Variants in ZMAT4 observed in about 807,000 individuals in gnomAD.
ZMAT4 encodes zinc finger matrin-type protein 4.
A neutral mutation model predicts 28.7 loss-of-function variants in ZMAT4; 17 were observed. The ratio of observed to expected loss-of-function variants is 0.59; its 90% CI spans 0.41 to 0.89. The LOEUF (loss-of-function observed/expected upper bound fraction) is 0.89, where lower values mean the gene tolerates loss of function less well. Among genes scored for constraint, ZMAT4 ranks in the 40% least tolerant of loss-of-function variants. The pLI is 0.00. For synonymous variants in ZMAT4, 117 were observed against 109.2 expected (o/e 1.07, Z -0.44); for missense variants, 240 against 283.8 (o/e 0.85, Z 1.11).
At chr8:40,887,770 C>T (rs1313887957) in intron 1 of ZMAT4, among the ~76,000 whole-genome samples, 1 of 152,104 alleles carries the variant, frequency 6.6e-6, no homozygotes, top group South Asian at 2.1e-4. Flanking sequence ...CTCGGCTCCC[C>T]CTCCCTTCGG....
At chr8:40,559,848 T>C (rs564348401) in intron 6 of ZMAT4, among the ~76,000 whole-genome samples, 1 of 152,122 alleles carries the variant, frequency 6.6e-6, no homozygotes, top group African/African-American at 2.4e-5. Context: ...CACACGTTTG[T>C]GAAATTAGAT....
chr8:40,622,940 C>T (rs976516502), intron 5 of ZMAT4, among the ~76,000 whole-genome samples: 1 of 152,112 alleles, frequency 6.6e-6, no homozygotes, highest in African/African-American at 2.4e-5. Flanking sequence ...CAAAGTATAT[C>T]AGGAATTTAA....
intron 5 of ZMAT4, among the ~76,000 whole-genome samples, chr8:40,598,192 TTTTG>T (rs142785745): frequency 1.1e-3 from 167 of 152,324 alleles, no homozygotes; most frequent in African/African-American, 3.6e-3. Flanking sequence ...TATATATATA[TTTTG>T]TTTGTTTGTT....
intron 5 of ZMAT4, among the ~76,000 whole-genome samples, chr8:40,640,049 T>C (rs190545983): frequency 6.6e-6 from 1 of 152,264 alleles, no homozygotes; most frequent in African/African-American, 2.4e-5. Context: ...AGATCATAGT[T>C]CACTGTAGCC....
intron 1 of ZMAT4, among the ~76,000 whole-genome samples, chr8:40,852,928 C>T (rs992600288): frequency 6.6e-6 from 1 of 152,100 alleles, no homozygotes; most frequent in Admixed American, 6.5e-5. Context: ...CTAATTTTTG[C>T]TTGAGTGATT....
At chr8:40,704,950 C>T (rs997742894) in intron 3 of ZMAT4, among the ~76,000 whole-genome samples, 1 of 152,144 alleles carries the variant, frequency 6.6e-6, no homozygotes, top group Non-Finnish European at 1.5e-5. Flanking sequence ...TGTTCAGAGT[C>T]CCATGGGGAA....
intron 5 of ZMAT4, among the ~76,000 whole-genome samples, chr8:40,631,551 G>T (rs894638658): frequency 9.9e-5 from 15 of 152,170 alleles, no homozygotes; most frequent in Non-Finnish European, 2.1e-4. Context: ...GTTCTAATGC[G>T]AGATATATGC....
intron 5 of ZMAT4, among the ~76,000 whole-genome samples, chr8:40,665,148 G>A (rs1476755619): frequency 6.6e-6 from 1 of 152,124 alleles, no homozygotes; most frequent in East Asian, 1.9e-4. Flanking sequence ...GGAGGTTGCA[G>A]TGAGCTGAGA....
chr8:40,611,200 G>GA (rs1447043274), intron 5 of ZMAT4, among the ~76,000 whole-genome samples: 1 of 152,084 alleles, frequency 6.6e-6, no homozygotes, highest in African/African-American at 2.4e-5. Context: ...TTCAAATGTG[G>GA]AAAATCTATT....
chr8:40,757,521 G>A (rs1190043535), intron 3 of ZMAT4, among the ~76,000 whole-genome samples: 1 of 151,712 alleles, frequency 6.6e-6, no homozygotes, highest in African/African-American at 2.4e-5. Flanking sequence ...GGAGGGCGGA[G>A]GTTGCAGTAA....
intron 6 of ZMAT4, among the ~76,000 whole-genome samples, chr8:40,565,773 T>TA (rs397892905): frequency 6.6e-6 from 1 of 150,976 alleles, no homozygotes; most frequent in Non-Finnish European, 1.5e-5. Flanking sequence ...TTTTTTTTTT[T>TA]AATAAGAGCT....
intron 5 of ZMAT4, among the ~76,000 whole-genome samples, chr8:40,597,484 G>A (rs1805145415): frequency 6.6e-6 from 1 of 152,274 alleles, no homozygotes; most frequent in Non-Finnish European, 1.5e-5. Flanking sequence ...CTCCTTCCGG[G>A]ATTCCTTGAA....
intron 3 of ZMAT4, among the ~76,000 whole-genome samples, chr8:40,727,226 A>C (rs918931531): frequency 6.6e-6 from 1 of 152,132 alleles, no homozygotes; most frequent in African/African-American, 2.4e-5. Context: ...CTCTCCATAT[A>C]GTCCTGTGAT....
chr8:40,844,790 A>T (rs1389116866), intron 1 of ZMAT4, among the ~76,000 whole-genome samples: 1 of 151,724 alleles, frequency 6.6e-6, no homozygotes, highest in Non-Finnish European at 1.5e-5. Flanking sequence ...TCATATTTTA[A>T]ACTCACCTGG....
intron 5 of ZMAT4, among the ~76,000 whole-genome samples, chr8:40,610,950 T>TG (rs397972843): frequency 8.5e-4 from 127 of 149,544 alleles, no homozygotes; most frequent in Non-Finnish European, 1.7e-3. Flanking sequence ...TTTTTTTTTT[T>TG]GGTTTGTCTT....
In ZMAT4 at chr8:40,674,743, C is replaced by T; in HGVS notation, c.538G>A (p.Glu180Lys). The change falls in exon 5 of 7, where the codon GAA (glutamate) becomes AAA (lysine). Residue 180 changes from glutamate (E) to lysine (K), a missense_variant. Glu to Lys is a moderately conservative substitution (Grantham distance 56). Coordinates refer to ENST00000297737, the MANE Select transcript of ZMAT4 (RefSeq NM_024645.3). ...KKNAARVALL[E>K]QLGTTLDMGE... The stretch of plus-strand genomic sequence containing the variant: ...ATATCCAGGGTTGTCCCCAGTTGTT[C>T]TAACAAAGCAACTCTTGCCGCATTC... 1 of 1,613,966 alleles carries T rather than the reference C, an allele frequency of 6.2e-7. No homozygotes were observed. The highest frequency in any genetic ancestry group is 8.5e-7 in the Non-Finnish European group (1 of 1,179,894).
chr8:40,564,263 A>T (rs1803842057), intron 6 of ZMAT4, among the ~76,000 whole-genome samples: 1 of 152,116 alleles, frequency 6.6e-6, no homozygotes, highest in South Asian at 2.1e-4. Context: ...TAACTCACTG[A>T]GTTTTGTATT....
intron 5 of ZMAT4, among the ~76,000 whole-genome samples, chr8:40,644,548 A>T (rs2118781430): frequency 6.6e-6 from 1 of 152,350 alleles, no homozygotes; most frequent in South Asian, 2.1e-4. Flanking sequence ...AAATAAATAT[A>T]TCCATGAGTT....
chr8:40,576,999 G>T (rs1324456330), intron 6 of ZMAT4, among the ~76,000 whole-genome samples: 3 of 152,062 alleles, frequency 2.0e-5, no homozygotes, highest in Non-Finnish European at 4.4e-5. Flanking sequence ...TTCAAGACCA[G>T]CCTGGCCAAC....
Sources: gnomAD v4.1 joint callset for allele counts (sites outside exome capture counted in the v4.1 genomes callset) on GRCh38, gnomAD v4.1.1 for gene constraint, MANE v1.5 for transcripts, NCBI Gene and HGNC (gene_info 2026-07-23, HGNC 2026-07-21) for gene names.